Variants in CAMK2N1 observed in about 807,000 individuals in gnomAD.
CAMK2N1 encodes calcium/calmodulin-dependent protein kinase II inhibitor 1.
Under a neutral mutation model 6.4 loss-of-function variants are expected in CAMK2N1, and 2 were observed. That is an observed-to-expected ratio of 0.31 (90% confidence interval 0.13 to 0.98). The LOEUF is 0.98. CAMK2N1 is among the 50% of genes least tolerant of loss of function. The probability of loss-of-function intolerance (pLI) is 0.51; values close to 1 mark genes in which losing one functional copy is unlikely to be tolerated. For synonymous variants in CAMK2N1, 42 were observed against 47.5 expected (o/e 0.88, Z 0.47); for missense variants, 77 against 107.3 (o/e 0.72, Z 1.25).
At position 20,482,889 on chromosome 1, in the gene CAMK2N1, G is replaced by GTGTGT. The variant is rs1553134061; in HGVS notation, c.*759_*760insACACA. 6.6e-6 allele frequency: 1 copy of GTGTGT among 151,784 alleles called. No individual in the cohort carries two copies. Among genetic ancestry groups the GTGTGT allele is most frequent in the Admixed American group, 6.6e-5 (1 of 15,244 alleles). 9.4% of individuals were successfully genotyped at this position (151,784 alleles called of 1,614,324 possible). ...TGTGTGTGTGTGTGTGTGTGTGTGTGTGTTTTTCTGACATAAAAAATGTGT... is the reference window on the plus strand; with the variant it reads ...TGTGTGTGTGTGTGTGTGTGTGTGTGTGTGTTGTTTTTCTGACATAAAAAATGTGT... On this transcript the variant is annotated 3_prime_UTR_variant, in exon 2 of 2. Transcript: ENST00000375078.
At position 20,486,119 on chromosome 1, in the gene CAMK2N1, G is replaced by C. The variant is rs1412396792; in HGVS notation, c.-740C>G. 6.5e-6 allele frequency: 1 copy of C among 152,942 alleles called. No individual in the cohort carries two copies. Among genetic ancestry groups the C allele is most frequent in the Admixed American group, 6.5e-5 (1 of 15,306 alleles). The allele number at this position is 152,942 out of a possible 1,614,324, so 9.5% of individuals were successfully genotyped here. A position where few individuals can be genotyped will look rare whatever the true frequency, so the allele number is the denominator to read the frequency against. ...GGAGGAGGGAAAGGATCGGGAGGGAGAGGAAGAGGGTCGGAGAGGGAAGGA... is the reference window on the plus strand; with the variant it reads ...GGAGGAGGGAAAGGATCGGGAGGGACAGGAAGAGGGTCGGAGAGGGAAGGA... On this transcript the variant is annotated 5_prime_UTR_variant, in exon 1 of 2. Coordinates refer to ENST00000375078, the MANE Select transcript of CAMK2N1 (RefSeq NM_018584.6). This position sits in a 1 kb window ranked among gnomAD's most constrained non-coding sequence, Gnocchi z 6.5.
intron 1 of CAMK2N1, among the ~76,000 whole-genome samples, chr1:20,483,946 A>G (rs1331034114): frequency 1.3e-5 from 2 of 152,184 alleles, no homozygotes; most frequent in Admixed American, 1.3e-4. Context: ...TCCCAGCTCC[A>G]TTCTGAGAAA....
chr1:20,483,935 G>T (rs900656702), intron 1 of CAMK2N1, among the ~76,000 whole-genome samples: 6 of 152,156 alleles, frequency 3.9e-5, no homozygotes, highest in Non-Finnish European at 7.4e-5. Context: ...TCCAGCCTGC[G>T]TCCCAGCTCC....
Position 20,484,860 on chromosome 1 carries a change from C to T in CAMK2N1, c.166+354G>A, listed in dbSNP as rs555771286. 1.3e-4 allele frequency among the ~76,000 whole-genome samples: 20 copies of T among 152,310 alleles called. No individual in the cohort carries two copies. The highest frequency in any genetic ancestry group is 2.9e-4 in the Non-Finnish European group (20 of 68,016). On this transcript the variant is annotated intron_variant, in intron 1 of 1. Transcript: ENST00000375078. This position sits in a 1 kb window ranked among gnomAD's most constrained non-coding sequence, Gnocchi z 6.8. Reference sequence around the variant, plus strand: ...GGTCCCCACGCCGTCCCCTGGGGGTCCCTGGGACCCCCTCCCCACAGGGTT... The same window carrying T: ...GGTCCCCACGCCGTCCCCTGGGGGTTCCTGGGACCCCCTCCCCACAGGGTT...
rs1442526718 is a variant in CAMK2N1, at chr1:20,483,523, T to G, written c.*126A>C. Reference sequence around the variant, plus strand: ...CTCCCGGCCTGATACCAGATACAGGTTGTTGATTTCATCGTGGGTAGCAAG... The same window carrying G: ...CTCCCGGCCTGATACCAGATACAGGGTGTTGATTTCATCGTGGGTAGCAAG... On this transcript the variant is annotated 3_prime_UTR_variant, in exon 2 of 2. Coordinates refer to ENST00000375078, the MANE Select transcript of CAMK2N1 (RefSeq NM_018584.6). The G allele has an allele frequency of 5.0e-6, 4 of 796,112 alleles. No homozygotes were observed. The highest frequency in any genetic ancestry group is 8.7e-6 in the Non-Finnish European group (4 of 461,906). The allele number at this position is 796,112 out of a possible 1,614,324, so 49.3% of individuals were successfully genotyped here.
In CAMK2N1 at chr1:20,483,674, G is replaced by T. The variant is rs771382881; in HGVS notation, c.212C>A (p.Thr71Asn). The T allele has an allele frequency of 8.7e-6, 14 of 1,614,008 alleles. No homozygotes were observed. The highest frequency in any genetic ancestry group is 1.2e-5 in the Non-Finnish European group (14 of 1,179,930). Residue 71 changes from threonine to asparagine, a missense_variant, in exon 2 of 2, where the codon ACC becomes AAC. Transcript: ENST00000375078. ...TTAGACACCAGGAGGTGCCTTGTCGGTCATATTTTTCAGCACGTCATCAAT... is the reference window on the plus strand; with the variant it reads ...TTAGACACCAGGAGGTGCCTTGTCGTTCATATTTTTCAGCACGTCATCAAT... ...DRIDDVLKNMTDKAPPGV is the reference protein window; with the variant it reads ...DRIDDVLKNMNDKAPPGV
rs1231701502 is a variant in CAMK2N1 at position 20,485,920 on chromosome 1, T to A, written c.-541A>T. 2.1e-4 allele frequency: 7 copies of A among 33,646 alleles called. No individual in the cohort carries two copies. Among genetic ancestry groups the A allele is most frequent in the African/African-American group, 8.2e-4 (6 of 7,350 alleles). 2.1% of individuals were successfully genotyped at this position (33,646 alleles called of 1,614,324 possible). A position where few individuals can be genotyped will look rare whatever the true frequency, so the allele number is the denominator to read the frequency against. On this transcript the variant is annotated 5_prime_UTR_variant, in exon 1 of 2. Transcript: ENST00000375078. This position sits in a 1 kb window ranked among gnomAD's most constrained non-coding sequence, Gnocchi z 8.4. ...CCGGGGAGGAAACCCGGAGGGAGGG[T>A]GGGGGAGAGAAACCGAGAGGGAGAC...
Position 20,485,058 on chromosome 1 carries a change from G to A in CAMK2N1, c.166+156C>T, listed in dbSNP as rs528244300. The stretch of plus-strand genomic sequence containing the variant: ...TTAGGGGGACGCGTTCCTGCGACCC[G>A]CTTCAGCCGGACCCGCAGTGCGGGA... On this transcript the variant is annotated intron_variant, in intron 1 of 1. Transcript: ENST00000375078. The surrounding 1 kb of genome is among the most constrained non-coding windows in gnomAD (Gnocchi z 8.4). Among the ~76,000 whole-genome samples, 3 of 152,340 alleles carry A rather than the reference G, an allele frequency of 2.0e-5. No individual in the cohort carries two copies. The South Asian group carries it at 6.2e-4, about 32-fold the overall frequency.
At position 20,485,127 on chromosome 1, in the gene CAMK2N1, C is replaced by T. The variant is rs1398866842; in HGVS notation, c.166+87G>A. The T allele has an allele frequency of 1.4e-6, 2 of 1,402,194 alleles. No homozygotes were observed. The highest frequency in any genetic ancestry group is 2.8e-5 in the East Asian group (1 of 35,928). The allele number at this position is 1,402,194 out of a possible 1,614,324, so 86.9% of individuals were successfully genotyped here. On this transcript the variant is annotated intron_variant, in intron 1 of 1. Coordinates refer to ENST00000375078, the MANE Select transcript of CAMK2N1 (RefSeq NM_018584.6). This position sits in a 1 kb window ranked among gnomAD's most constrained non-coding sequence, Gnocchi z 8.4. ...AGGGATTCCGTCAGGTCTGAACGGG[C>T]TCCAGCGGGTGGGAGACCTCCGCAA...
rs1267096425 is a variant in CAMK2N1, at chr1:20,484,981, G to A, written c.166+233C>T. Reference sequence around the variant, plus strand: ...TTTGCCGCGCGGGTGGAGACCCCCAGCTGCTGCTAGAAGCCGCCACGCCCC... The same window carrying A: ...TTTGCCGCGCGGGTGGAGACCCCCAACTGCTGCTAGAAGCCGCCACGCCCC... On this transcript the variant is annotated intron_variant, in intron 1 of 1. Transcript: ENST00000375078. The surrounding 1 kb of genome is among the most constrained non-coding windows in gnomAD (Gnocchi z 6.8). 6.6e-6 allele frequency among the ~76,000 whole-genome samples: 1 copy of A among 152,184 alleles called. No individual in the cohort carries two copies. The highest frequency in any genetic ancestry group is 1.5e-5 in the Non-Finnish European group (1 of 68,026).
At position 20,485,277 on chromosome 1, in the gene CAMK2N1, AGTT is replaced by A. The variant is rs1467640208; in HGVS notation, c.100_102del (p.Asn34del). The A allele has an allele frequency of 6.3e-7, 1 of 1,599,234 alleles. No individual in the cohort carries two copies. Among genetic ancestry groups the A allele is most frequent in the Middle Eastern group, 1.7e-4 (1 of 5,722 alleles). On this transcript the variant is annotated inframe_deletion, in exon 1 of 2. Coordinates refer to ENST00000375078, the MANE Select transcript of CAMK2N1 (RefSeq NM_018584.6). This position sits in a 1 kb window ranked among gnomAD's most constrained non-coding sequence, Gnocchi z 8.4. ...CGCTTGTTCTGCCCGGCGCCGAAGA[AGTT>A]GTTGGTGTCCTGCAGGCGGCAGGAG...
rs917952787 is a variant in CAMK2N1, at chr1:20,483,584, G to C, written c.*65C>G. ...ATTTCAAAGTGCTTTCTCTTTTCAT[G>C]CTTTTTGCCAATAACTGTTACCGCC... On this transcript the variant is annotated 3_prime_UTR_variant, in exon 2 of 2. Coordinates refer to ENST00000375078, the MANE Select transcript of CAMK2N1 (RefSeq NM_018584.6). 5 of 1,390,664 alleles carry C rather than the reference G, an allele frequency of 3.6e-6. 1 individual carries two copies. In the Admixed American group the frequency reaches 6.8e-5, roughly 19 times the overall value. The allele number at this position is 1,390,664 out of a possible 1,614,324, so 86.1% of individuals were successfully genotyped here.
Position 20,485,078 on chromosome 1 carries a change from G to A in CAMK2N1, c.166+136C>T. The A allele has an allele frequency of 1.9e-6, 2 of 1,037,078 alleles. No individual in the cohort carries two copies. Among genetic ancestry groups the A allele is most frequent in the Non-Finnish European group, 2.6e-6 (2 of 758,482 alleles). 64.2% of individuals were successfully genotyped at this position (1,037,078 alleles called of 1,614,324 possible). On this transcript the variant is annotated intron_variant, in intron 1 of 1. Transcript: ENST00000375078. The surrounding 1 kb of genome is among the most constrained non-coding windows in gnomAD (Gnocchi z 8.4). ...GACCCGCTTCAGCCGGACCCGCAGT[G>A]CGGGATCCCCCAATTCTGCAAGAAG...
rs1418386578 is a variant in CAMK2N1 at position 20,485,042 on chromosome 1, C to A, written c.166+172G>T. On this transcript the variant is annotated intron_variant, in intron 1 of 1. Coordinates refer to ENST00000375078, the MANE Select transcript of CAMK2N1 (RefSeq NM_018584.6). This position sits in a 1 kb window ranked among gnomAD's most constrained non-coding sequence, Gnocchi z 8.4. The stretch of plus-strand genomic sequence containing the variant: ...CAGCCGGGGATCCGGCTTAGGGGGA[C>A]GCGTTCCTGCGACCCGCTTCAGCCG... Among the ~76,000 whole-genome samples, 1 of 152,216 alleles carries A rather than the reference C, an allele frequency of 6.6e-6. No homozygotes were observed. Among genetic ancestry groups the A allele is most frequent in the Non-Finnish European group, 1.5e-5 (1 of 68,032 alleles).
rs140536427 is a variant in CAMK2N1, at chr1:20,483,348, T to G, written c.*301A>C. ...AGAAATGGATATTAATTTTGACAAA[T>G]AGCTGCAACTGAGACTTCTTTTTAT... On this transcript the variant is annotated 3_prime_UTR_variant, in exon 2 of 2. Transcript: ENST00000375078. 1 of 169,326 alleles carries G rather than the reference T, an allele frequency of 5.9e-6. No individual in the cohort carries two copies. Among genetic ancestry groups the G allele is most frequent in the Non-Finnish European group, 1.3e-5 (1 of 79,886 alleles). 10.5% of individuals were successfully genotyped at this position (169,326 alleles called of 1,614,324 possible).
At position 20,485,477 on chromosome 1, in the gene CAMK2N1, G is replaced by A; in HGVS notation, c.-98C>T. 1 of 864,386 alleles carries A rather than the reference G, an allele frequency of 1.2e-6. No individual in the cohort carries two copies. Among genetic ancestry groups the A allele is most frequent in the Non-Finnish European group, 1.4e-6 (1 of 718,784 alleles). 53.5% of individuals were successfully genotyped at this position (864,386 alleles called of 1,614,324 possible). A position where few individuals can be genotyped will look rare whatever the true frequency, so the allele number is the denominator to read the frequency against. On this transcript the variant is annotated 5_prime_UTR_variant, in exon 1 of 2. Transcript: ENST00000375078. This position sits in a 1 kb window ranked among gnomAD's most constrained non-coding sequence, Gnocchi z 8.4. ...CGCTGGGGCCGGGGGCGGCCGGCCGGGGACGGCCCGCGGGCTGCTGCGGCG... is the reference window on the plus strand; with the variant it reads ...CGCTGGGGCCGGGGGCGGCCGGCCGAGGACGGCCCGCGGGCTGCTGCGGCG...
chr1:20,485,663 G>T lies in CAMK2N1; in HGVS notation c.-284C>A, dbSNP rs1257791461. ...CGAGCAGGACTCACATCCTCGGCGCGCTGGGGCTCTGGGCGGGGGCCGGGC... is the reference window on the plus strand; with the variant it reads ...CGAGCAGGACTCACATCCTCGGCGCTCTGGGGCTCTGGGCGGGGGCCGGGC... On this transcript the variant is annotated 5_prime_UTR_variant, in exon 1 of 2. Transcript: ENST00000375078. This position sits in a 1 kb window ranked among gnomAD's most constrained non-coding sequence, Gnocchi z 8.4. 5 of 150,576 alleles carry T rather than the reference G, an allele frequency of 3.3e-5. No homozygotes were observed. Among genetic ancestry groups the T allele is most frequent in the African/African-American group, 1.2e-4 (5 of 41,148 alleles). 9.3% of individuals were successfully genotyped at this position (150,576 alleles called of 1,614,324 possible).
Position 20,484,916 on chromosome 1 carries a change from G to A in CAMK2N1, c.166+298C>T, listed in dbSNP as rs561172466. Among the ~76,000 whole-genome samples the A allele has an allele frequency of 8.5e-5, 13 of 152,298 alleles. No individual in the cohort carries two copies. The highest frequency in any genetic ancestry group is 3.1e-4 in the African/African-American group (13 of 41,576). ...GCGAGTGCAGCTGTGACTACACTGC[G>A]CAAAAGGCGGGGGTGGGGGGCGCAA... On this transcript the variant is annotated intron_variant, in intron 1 of 1. Transcript: ENST00000375078. This position sits in a 1 kb window ranked among gnomAD's most constrained non-coding sequence, Gnocchi z 6.8.
In CAMK2N1 at chr1:20,484,968, G is replaced by T. The variant is rs1171981002; in HGVS notation, c.166+246C>A. ...TCAAAAAGCAAACTTTGCCGCGCGG[G>T]TGGAGACCCCCAGCTGCTGCTAGAA... is the stretch of plus-strand genomic sequence containing the variant. On this transcript the variant is annotated intron_variant, in intron 1 of 1. Coordinates refer to ENST00000375078, the MANE Select transcript of CAMK2N1 (RefSeq NM_018584.6). The surrounding 1 kb of genome is among the most constrained non-coding windows in gnomAD (Gnocchi z 6.8). 6.6e-6 allele frequency among the ~76,000 whole-genome samples: 1 copy of T among 152,162 alleles called. No individual in the cohort carries two copies. Among genetic ancestry groups the T allele is most frequent in the Non-Finnish European group, 1.5e-5 (1 of 68,030 alleles).
Sources: gnomAD v4.1 joint callset for allele counts (sites outside exome capture counted in the v4.1 genomes callset) on GRCh38, gnomAD v4.1.1 for gene constraint, Gnocchi (gnomAD v3.1) non-coding constraint, MANE v1.5 for transcripts, NCBI Gene and HGNC (gene_info 2026-07-23, HGNC 2026-07-21) for gene names.